The following GATB variants were observed in gnomAD, a reference collection of about 807,000 sequenced individuals.
GATB encodes the protein glutamyl-tRNA amidotransferase subunit B, also known as glutamyl-tRNA(Gln) amidotransferase subunit B, mitochondrial.
GATB carries 39 observed loss-of-function variants against 62.3 expected under a neutral mutation model. The observed-to-expected ratio is 0.63, with a 90% CI of 0.48 to 0.82. The LOEUF (loss-of-function observed/expected upper bound fraction) is 0.82. Among genes scored for constraint, GATB ranks in the 40% least tolerant of loss-of-function variants. GATB has a pLI of 0.00. For synonymous variants in GATB, 276 were observed against 258.9 expected (o/e 1.07, Z -0.63); for missense variants, 670 against 684.0 (o/e 0.98, Z 0.23).
At chr4:151,738,967 G>A (rs562815485) in intron 2 of GATB, among the ~76,000 whole-genome samples, 10 of 152,160 alleles carry the variant, frequency 6.6e-5, no homozygotes, top group Non-Finnish European at 1.5e-4. Flanking sequence ...TATCAACTGG[G>A]GTTGGAGCCC....
At chr4:151,725,541 G>A (rs956398371) in intron 2 of GATB, among the ~76,000 whole-genome samples, 9 of 152,212 alleles carry the variant, frequency 5.9e-5, no homozygotes, top group African/African-American at 2.2e-4. Flanking sequence ...CACATGCGTG[G>A]AGCCAAGAAT....
At chr4:151,729,246 T>C (rs1037518894) in intron 2 of GATB, among the ~76,000 whole-genome samples, 1 of 151,638 alleles carries the variant, frequency 6.6e-6, no homozygotes, top group Non-Finnish European at 1.5e-5. Flanking sequence ...TAAGATAAAA[T>C]AGCTGGCCTG....
intron 12 of GATB, 136 bp downstream of exon 12, chr4:151,672,626 C>T (rs1737898114): frequency 1.2e-6 from 1 of 833,068 alleles, no homozygotes; most frequent in Non-Finnish European, 1.9e-6. Context: ...AAAAAGATGA[C>T]AGTGAGGGAA....
intron 9 of GATB, among the ~76,000 whole-genome samples, chr4:151,697,001 G>A (rs1738483506): frequency 6.6e-6 from 1 of 152,158 alleles, no homozygotes; most frequent in East Asian, 1.9e-4. Flanking sequence ...AGGTCATGTA[G>A]AGAAAAGGAA....
Position 151,701,464 on chromosome 4 carries a change from CAG to C in GATB, c.1060_1061del (p.Leu354AlafsTer13), listed in dbSNP as rs1346068146. 1 of 1,596,556 alleles carries C rather than the reference CAG, an allele frequency of 6.3e-7. No individual in the cohort carries two copies. The highest frequency in any genetic ancestry group is 1.7e-5 in the Admixed American group (1 of 57,854). On this transcript the variant is annotated frameshift_variant, in exon 9 of 13. Coordinates refer to ENST00000263985, the MANE Select transcript of GATB (RefSeq NM_004564.3). LOFTEE classifies it high-confidence loss of function. ...PPLVLYDATS[L>X]PAGADPQQVI... Reference sequence around the variant, plus strand: ...CTTGCTGTGGGTCTGCACCTGCGGGCAGAGATGTGGCGTCGTAGAGCACCAGG... The same window carrying C: ...CTTGCTGTGGGTCTGCACCTGCGGGCAGATGTGGCGTCGTAGAGCACCAGG...
chr4:151,671,891 C>T (rs1017405131), intron 12 of GATB, among the ~76,000 whole-genome samples: 13 of 152,312 alleles, frequency 8.5e-5, no homozygotes, highest in Admixed American at 4.6e-4. Context: ...AGGGCCACCA[C>T]GTGACCTCCT....
In GATB at chr4:151,694,761, A is replaced by G. The variant is rs576041864; in HGVS notation, c.1198-5998T>C. Among the ~76,000 whole-genome samples, 3 of 152,314 alleles carry G rather than the reference A, an allele frequency of 2.0e-5. No homozygotes were observed. In the South Asian group the frequency reaches 6.2e-4, roughly 32 times the overall value. Reference sequence around the variant, plus strand: ...GCTTTAAAGTAGTATTACATATGGGATATATAGATATTTATCATGGGAAAT... The same window carrying G: ...GCTTTAAAGTAGTATTACATATGGGGTATATAGATATTTATCATGGGAAAT... On this transcript the variant is annotated intron_variant, in intron 9 of 12. Coordinates refer to ENST00000263985, the MANE Select transcript of GATB (RefSeq NM_004564.3).
At chr4:151,728,803 T>TGAAA (rs1739187744) in intron 2 of GATB, among the ~76,000 whole-genome samples, 1 of 152,212 alleles carries the variant, frequency 6.6e-6, no homozygotes, top group South Asian at 2.1e-4. Context: ...AGTATTAAGT[T>TGAAA]GAAAGATTTG....
At chr4:151,676,017 C>T (rs769173713) in intron 11 of GATB, 1 of 152,262 alleles carries the variant, frequency 6.6e-6, no homozygotes, top group Non-Finnish European at 1.5e-5. Context: ...GGTGGAAAGA[C>T]CTGTTCAAGG....
At chr4:151,717,123 C>G in intron 3 of GATB, 49 bp from the exon 4 acceptor site, 5 of 1,557,536 alleles carry the variant, frequency 3.2e-6, no homozygotes, top group Non-Finnish European at 4.4e-6. Flanking sequence ...CACATAAAAG[C>G]TGGGATCCAG....
At chr4:151,708,770 T>C (rs1304305064) in intron 5 of GATB, among the ~76,000 whole-genome samples, 1 of 152,210 alleles carries the variant, frequency 6.6e-6, no homozygotes, top group Non-Finnish European at 1.5e-5. Flanking sequence ...GAGTCTGTGG[T>C]GGGACTCAGA....
chr4:151,698,850 CT>C (rs1738540783), intron 9 of GATB, among the ~76,000 whole-genome samples: 1 of 151,830 alleles, frequency 6.6e-6, no homozygotes, highest in African/African-American at 2.4e-5. Flanking sequence ...AAAAAAAGTC[CT>C]TTCAAAAATG....
intron 11 of GATB, among the ~76,000 whole-genome samples, chr4:151,678,151 C>T (rs868435006): frequency 2.6e-5 from 4 of 152,080 alleles, no homozygotes; most frequent in Non-Finnish European, 5.9e-5. Context: ...CACGGGGACC[C>T]CCTTAAGCAA....
At chr4:151,709,338 G>A (rs1187939876) in intron 5 of GATB, among the ~76,000 whole-genome samples, 4 of 152,148 alleles carry the variant, frequency 2.6e-5, no homozygotes, top group South Asian at 2.1e-4. Context: ...ATTGCCACCC[G>A]TGCTGACAGG....
chr4:151,717,487 T>C (rs1285028582), intron 3 of GATB, among the ~76,000 whole-genome samples: 2 of 152,232 alleles, frequency 1.3e-5, no homozygotes, highest in Non-Finnish European at 2.9e-5. Context: ...TTATTTGGAA[T>C]GCTGGCTAAG....
chr4:151,699,770 C>A (rs1738561579), intron 9 of GATB, among the ~76,000 whole-genome samples: 1 of 146,778 alleles, frequency 6.8e-6, no homozygotes, highest in African/African-American at 2.7e-5. Context: ...CTTATGGAGA[C>A]AGCTAATACA....
At chr4:151,705,147 C>G (rs368566195) in intron 7 of GATB, 38 bp downstream of exon 7, 2 of 1,463,900 alleles carry the variant, frequency 1.4e-6, no homozygotes, top group Non-Finnish European at 1.9e-6. Context: ...TCGCACCACC[C>G]CCGGCTGTGG....
intron 10 of GATB, 54 bp from the exon 11 acceptor site, chr4:151,679,945 C>A (rs1008452941): frequency 3.2e-5 from 47 of 1,491,494 alleles, no homozygotes; most frequent in Admixed American, 8.4e-5. Context: ...TCAGGGCATC[C>A]ATGAATGGCT....
At chr4:151,717,669 G>A (rs1738941394) in intron 3 of GATB, among the ~76,000 whole-genome samples, 1 of 152,166 alleles carries the variant, frequency 6.6e-6, no homozygotes, top group East Asian at 1.9e-4. Flanking sequence ...TTAATGGAAG[G>A]CACATGGTAC....
Sources: gnomAD v4.1 joint callset for allele counts (sites outside exome capture counted in the v4.1 genomes callset) on GRCh38, gnomAD v4.1.1 for gene constraint, MANE v1.5 for transcripts, NCBI Gene and HGNC (gene_info 2026-07-23, HGNC 2026-07-21) for gene names.